Variants in SPOCK1 observed in about 807,000 individuals in gnomAD.
The protein encoded by SPOCK1 is testican-1.
In SPOCK1, 23 loss-of-function variants were observed where a neutral mutation model predicts 55.3. That is an observed-to-expected ratio of 0.42 (90% CI 0.30 to 0.59). The LOEUF is 0.59. SPOCK1 is among the 20% of genes least tolerant of loss of function. The pLI, the probability that SPOCK1 is intolerant of heterozygous loss-of-function variation, is 0.22. For missense variants in SPOCK1, 499 were observed against 552.5 expected, an observed-to-expected ratio of 0.90 and a Z score of 0.97; for synonymous variants, 226 against 221.0, an observed-to-expected ratio of 1.02 and a Z score of -0.20.
intron 5 of SPOCK1, among the ~76,000 whole-genome samples, chr5:137,100,806 G>A (rs1753246548): frequency 6.6e-6 from 1 of 151,874 alleles, no homozygotes; most frequent in Non-Finnish European, 1.5e-5. Flanking sequence ...CTTGTTCAGA[G>A]GAAGAAGCAT....
intron 5 of SPOCK1, 88 bp downstream of exon 5, chr5:137,112,347 T>C (rs2127032465): frequency 6.5e-7 from 1 of 1,527,798 alleles, no homozygotes; most frequent in Non-Finnish European, 8.8e-7. Flanking sequence ...CCCACCACGC[T>C]TCCCAAGCCC....
At chr5:137,113,430 G>A (rs529419463) in intron 4 of SPOCK1, among the ~76,000 whole-genome samples, 3 of 152,284 alleles carry the variant, frequency 2.0e-5, no homozygotes, top group East Asian at 3.9e-4. Context: ...CATCAATCAG[G>A]CAATTACTGT....
chr5:137,461,181 C>T (rs755617991), intron 2 of SPOCK1, among the ~76,000 whole-genome samples: 1 of 152,204 alleles, frequency 6.6e-6, no homozygotes, highest in Middle Eastern at 3.2e-3. Context: ...GTGCTCAATA[C>T]ATTTTTGTTA....
intron 2 of SPOCK1, among the ~76,000 whole-genome samples, chr5:137,400,711 C>T (rs1017079375): frequency 4.6e-5 from 7 of 152,186 alleles, no homozygotes; most frequent in African/African-American, 1.2e-4. Context: ...GCACACACAG[C>T]ACTCAGAACT....
chr5:137,393,358 T>C (rs1331702319), intron 2 of SPOCK1, among the ~76,000 whole-genome samples: 1 of 152,128 alleles, frequency 6.6e-6, no homozygotes, highest in African/African-American at 2.4e-5. Context: ...CATGAGAACA[T>C]GCCTGAGCTA....
intron 4 of SPOCK1, among the ~76,000 whole-genome samples, chr5:137,122,274 C>A (rs974722409): frequency 1.3e-5 from 2 of 151,674 alleles, no homozygotes; most frequent in African/African-American, 4.8e-5. Flanking sequence ...CACACACACA[C>A]ACACACAGAG....
intron 2 of SPOCK1, among the ~76,000 whole-genome samples, chr5:137,339,066 G>T (rs1750355812): frequency 6.6e-6 from 1 of 152,166 alleles, no homozygotes; most frequent in African/African-American, 2.4e-5. Flanking sequence ...ATAGTCAGAA[G>T]TGTACACCAG....
intron 2 of SPOCK1, among the ~76,000 whole-genome samples, chr5:137,339,928 C>T (rs1198608161): frequency 2.0e-5 from 3 of 152,158 alleles, no homozygotes; most frequent in African/African-American, 7.2e-5. Flanking sequence ...GGTCTGCCCA[C>T]GGGGTCCAGC....
At chr5:137,056,566 G>T (rs1580728460) in intron 6 of SPOCK1, among the ~76,000 whole-genome samples, 1 of 152,074 alleles carries the variant, frequency 6.6e-6, no homozygotes, top group East Asian at 1.9e-4. Flanking sequence ...AGTTCCATAG[G>T]ATTAGTAGCC....
At chr5:137,218,255 C>T (rs547696465) in intron 3 of SPOCK1, among the ~76,000 whole-genome samples, 13 of 152,306 alleles carry the variant, frequency 8.5e-5, no homozygotes, top group African/African-American at 2.6e-4. Flanking sequence ...TCTTGACTTT[C>T]GGTCTAATGG....
intron 6 of SPOCK1, among the ~76,000 whole-genome samples, chr5:137,051,012 T>C (rs1752195620): frequency 6.6e-6 from 1 of 152,240 alleles, no homozygotes. Flanking sequence ...ACTTTGTAAA[T>C]CCAATCTAAA....
intron 2 of SPOCK1, among the ~76,000 whole-genome samples, chr5:137,399,049 G>A (rs569621294): frequency 1.1e-4 from 17 of 152,290 alleles, no homozygotes; most frequent in Admixed American, 6.5e-4. Context: ...GAAAGGCAAG[G>A]AGATAGTGCA....
intron 2 of SPOCK1, among the ~76,000 whole-genome samples, chr5:137,303,517 T>C (rs1757643563): frequency 2.6e-5 from 4 of 152,228 alleles, no homozygotes; most frequent in Admixed American, 1.3e-4. Flanking sequence ...TTGCGTTTGC[T>C]ATTAACAAGT....
chr5:137,019,073 C>G (rs1751510307), intron 6 of SPOCK1, among the ~76,000 whole-genome samples: 1 of 152,120 alleles, frequency 6.6e-6, no homozygotes, highest in Admixed American at 6.5e-5. Flanking sequence ...AGTATGCTTA[C>G]AAAATTGGCA....
chr5:137,498,606 G>A, intron 1 of SPOCK1, 48 bp from the exon 2 acceptor site: 8 of 1,261,628 alleles, frequency 6.3e-6, no homozygotes, highest in Non-Finnish European at 7.9e-6. Flanking sequence ...GCGGGCGGCC[G>A]CGAGCCCCGG....
rs562048014 is a variant in SPOCK1, at chr5:137,339,356, C to T, written c.187-72301G>A. On this transcript the variant is annotated intron_variant, in intron 2 of 10. Coordinates refer to ENST00000394945, the MANE Select transcript of SPOCK1 (RefSeq NM_004598.4). ...CATGGATGGGCACATTTTCCTTGGA[C>T]AGGGAAATGTAATGAGATACTTGCC... is the stretch of plus-strand genomic sequence containing the variant. Among the ~76,000 whole-genome samples the T allele has an allele frequency of 1.5e-4, 23 of 152,336 alleles. No individual in the cohort carries two copies. In the South Asian group the frequency reaches 4.8e-3, roughly 32 times the overall value.
chr5:137,201,620 A>G (rs927762308), intron 3 of SPOCK1, among the ~76,000 whole-genome samples: 1 of 152,214 alleles, frequency 6.6e-6, no homozygotes, highest in Non-Finnish European at 1.5e-5. Flanking sequence ...ACCAATGCCA[A>G]CGTTAACATT....
At chr5:137,322,428 T>C (rs756533747) in intron 2 of SPOCK1, among the ~76,000 whole-genome samples, 3 of 151,002 alleles carry the variant, frequency 2.0e-5, no homozygotes, top group Admixed American at 6.6e-5. Flanking sequence ...ACTCTAACAA[T>C]GGTAGGTAAA....
chr5:137,053,458 A>C (rs1752245641), intron 6 of SPOCK1, among the ~76,000 whole-genome samples: 1 of 152,100 alleles, frequency 6.6e-6, no homozygotes, highest in Non-Finnish European at 1.5e-5. Context: ...TGCCTGTAAA[A>C]AGGATGTGCT....
Sources: gnomAD v4.1 joint callset for allele counts (sites outside exome capture counted in the v4.1 genomes callset) on GRCh38, gnomAD v4.1.1 for gene constraint, MANE v1.5 for transcripts, NCBI Gene and HGNC (gene_info 2026-07-23, HGNC 2026-07-21) for gene names.